The following GTPBP8 variants were observed in gnomAD, a reference collection of about 807,000 sequenced individuals.
GTPBP8 encodes the protein GTP-binding protein 8.
A neutral mutation model predicts 27.3 loss-of-function variants in GTPBP8; 21 were observed. That is an observed-to-expected ratio of 0.77 (90% CI 0.55 to 1.11). GTPBP8 has a LOEUF of 1.11. Ranked by LOEUF, GTPBP8 falls within the 50% of genes least tolerant of loss-of-function variation. The probability of loss-of-function intolerance (pLI) is 0.00; values close to 1 mark genes in which losing one functional copy is unlikely to be tolerated. For synonymous variants in GTPBP8, 147 were observed against 135.3 expected (o/e 1.09, Z -0.60); for missense variants, 380 against 350.8 (o/e 1.08, Z -0.67).
intron 4 of GTPBP8, among the ~76,000 whole-genome samples, chr3:112,998,085 A>C (rs1400351779): frequency 6.6e-6 from 1 of 152,132 alleles, no homozygotes; most frequent in Non-Finnish European, 1.5e-5. Context: ...TCTGCTTCTC[A>C]CTGTGGGAAA....
In GTPBP8 at chr3:112,996,363, G is replaced by A. The variant is rs1472508007; in HGVS notation, c.567-529G>A. 2.6e-5 allele frequency among the ~76,000 whole-genome samples: 4 copies of A among 151,808 alleles called. No homozygotes were observed. The East Asian group carries it at 5.8e-4, about 22-fold the overall frequency. On this transcript the variant is annotated intron_variant, in intron 3 of 5. Transcript: ENST00000383678. ...TGCCTGTAATCCCAACTCCTCAGGA[G>A]ACTGAGGCAGGACAATCACTCAAAC...
At chr3:112,996,436 C>G (rs1417096690) in intron 3 of GTPBP8, among the ~76,000 whole-genome samples, 2 of 151,938 alleles carry the variant, frequency 1.3e-5, no homozygotes, top group Non-Finnish European at 2.9e-5. Flanking sequence ...TGCATTCTAC[C>G]CTGGGCAACA....
At chr3:112,992,154 T>G (rs576973047) in intron 1 of GTPBP8, 104 of 152,430 alleles carry the variant, frequency 6.8e-4, no homozygotes, top group African/African-American at 2.2e-3. Flanking sequence ...ACTGGACTTT[T>G]TTGTAATTCG....
rs375098068 is a variant in GTPBP8 at position 112,991,231 on chromosome 3, A to C, written c.232A>C (p.Ile78Leu). 1 of 1,614,018 alleles carries C rather than the reference A, an allele frequency of 6.2e-7. No homozygotes were observed. Among genetic ancestry groups the C allele is most frequent in the Non-Finnish European group, 8.5e-7 (1 of 1,180,028 alleles). The change falls in exon 1 of 6, where the codon ATA becomes CTA. Residue 78 changes from isoleucine (I) to leucine (L), a missense_variant. Coordinates refer to ENST00000383678, the MANE Select transcript of GTPBP8 (RefSeq NM_014170.4). ...LRIFDPSPEDIARADNIFTAT... is the reference protein window; with the variant it reads ...LRIFDPSPEDLARADNIFTAT... The stretch of plus-strand genomic sequence containing the variant: ...TATCTTTGACCCAAGCCCGGAGGAC[A>C]TAGCCAGGGCGGACAACATCTTCAC...
Position 112,995,190 on chromosome 3 carries a change from A to G in GTPBP8, c.491A>G (p.Asp164Gly), listed in dbSNP as rs1327542770. ...GTTGGAAAACATTTTACAGTGGTGG[A>G]CATGCCAGGTTATGGCTTTAGAGCA... ...FKVGKHFTVV[D>G]MPGYGFRAPE... The change falls in exon 3 of 6, where the codon GAC becomes GGC. Residue 164 changes from aspartate to glycine, a missense_variant. Asp to Gly is a moderately conservative substitution (Grantham distance 94, BLOSUM62 -1). Transcript: ENST00000383678. 1.1e-5 allele frequency: 18 copies of G among 1,608,242 alleles called. No individual in the cohort carries two copies. Among genetic ancestry groups the G allele is most frequent in the South Asian group, 3.3e-5 (3 of 90,800 alleles).
chr3:112,991,176 C>A lies in GTPBP8; in HGVS notation c.177C>A (p.Ala59=). The change falls in exon 1 of 6, where the codon GCC becomes GCA. Residue 59 remains alanine, a synonymous_variant. Coordinates refer to ENST00000383678, the MANE Select transcript of GTPBP8 (RefSeq NM_014170.4). The part of the protein sequence containing the change: ...YPLQEVERFL[A]PYGRQDLHLR... The stretch of plus-strand genomic sequence containing the variant: ...TGCAGGAAGTAGAGCGGTTCCTCGC[C>A]CCCTACGGGAGGCAAGACCTTCACC... The A allele has an allele frequency of 6.2e-7, 1 of 1,614,144 alleles. No homozygotes were observed.
intron 2 of GTPBP8, among the ~76,000 whole-genome samples, chr3:112,993,626 C>T (rs972037397): frequency 2.6e-5 from 4 of 152,200 alleles, no homozygotes; most frequent in African/African-American, 9.7e-5. Context: ...TTCTCAACGA[C>T]GCAGTCTCTG....
intron 2 of GTPBP8, among the ~76,000 whole-genome samples, chr3:112,994,363 C>T (rs1237689011): frequency 1.3e-5 from 2 of 149,158 alleles, no homozygotes; most frequent in East Asian, 2.0e-4. Flanking sequence ...GTGGAGGTTG[C>T]GGTGAGCTGA....
Position 112,996,964 on chromosome 3 carries a change from G to T in GTPBP8, c.639G>T (p.Met213Ile). The change falls in exon 4 of 6, where the codon ATG becomes ATT. Residue 213 changes from methionine (M) to isoleucine (I), a missense_variant. Physicochemically the swap from Met to Ile is conservative, Grantham distance 10. Transcript: ENST00000383678. ...AAACAGACAATATTGCCATAGAAAT[G>T]TGTGAAGAATTTGCATTACCTTATG... Reference protein sequence around the residue: ...IQKTDNIAIEMCEEFALPYVI... With the variant: ...IQKTDNIAIEICEEFALPYVI... 5 of 1,558,658 alleles carry T rather than the reference G, an allele frequency of 3.2e-6. No individual in the cohort carries two copies. Among genetic ancestry groups the T allele is most frequent in the Non-Finnish European group, 4.4e-6 (5 of 1,131,416 alleles).
intron 2 of GTPBP8, among the ~76,000 whole-genome samples, chr3:112,994,636 T>C (rs1179374139): frequency 6.6e-6 from 1 of 152,188 alleles, no homozygotes; most frequent in Non-Finnish European, 1.5e-5. Flanking sequence ...AACATCTTGA[T>C]TTTAGGGAAG....
In GTPBP8 at chr3:113,000,762, A is replaced by G. The variant is rs1437606329; in HGVS notation, c.786-88A>G. ...ATGTTCTGCTTTCATATATGAAATC[A>G]TAAGAATTTGTAAATTTTTTTAAGT... On this transcript the variant is annotated intron_variant, in intron 5 of 5. Transcript: ENST00000383678. The G allele has an allele frequency of 2.5e-5, 19 of 773,838 alleles. No individual in the cohort carries two copies. The South Asian group carries it at 2.8e-4, about 12-fold the overall frequency. The allele number at this position is 773,838 out of a possible 1,614,324, so 47.9% of individuals were successfully genotyped here. A position where few individuals can be genotyped will look rare whatever the true frequency, so the allele number is the denominator to read the frequency against.
At chr3:112,995,975 C>T (rs963712502) in intron 3 of GTPBP8, among the ~76,000 whole-genome samples, 4 of 151,914 alleles carry the variant, frequency 2.6e-5, no homozygotes, top group Admixed American at 2.0e-4. Flanking sequence ...TTTTTGTCTC[C>T]TTATGTAATC....
In GTPBP8 at chr3:112,993,777, GAGTTGGAA is replaced by G. The variant is rs1270730178; in HGVS notation, c.435+654_435+661del. On this transcript the variant is annotated intron_variant, in intron 2 of 5. Transcript: ENST00000383678. ...CGAACGCACACACACCCCTTTCATT[GAGTTGGAA>G]CCCTTCCATGAGACTTCACTAGGTC... is the stretch of plus-strand genomic sequence containing the variant. Among the ~76,000 whole-genome samples the G allele has an allele frequency of 2.6e-5, 4 of 151,972 alleles. No homozygotes were observed. In the East Asian group the frequency reaches 7.7e-4, roughly 29 times the overall value.
In GTPBP8 at chr3:112,991,029, G is replaced by A. The variant is rs761475352; in HGVS notation, c.30G>A (p.Ala10=). The change falls in exon 1 of 6, where the codon GCG becomes GCA. Residue 10 remains alanine (A), a synonymous_variant. Transcript: ENST00000383678. ...CGGCGCCCGGGCTGCGGCTGGGAGC[G>A]GGAAGACTCTTTGAAATGCCTGCGG... The part of the protein sequence containing the change: MAAPGLRLG[A]GRLFEMPAVL... The A allele has an allele frequency of 4.4e-6, 7 of 1,601,220 alleles. No individual in the cohort carries two copies. The Admixed American group carries it at 8.4e-5, about 19-fold the overall frequency.
At chr3:113,000,710 G>A in intron 5 of GTPBP8, 140 bp from the exon 6 acceptor site, 1 of 514,958 alleles carries the variant, frequency 1.9e-6, no homozygotes, top group Non-Finnish European at 3.4e-6. Context: ...GCTGGGGGAA[G>A]AGAAGAAAGC....
At chr3:112,994,257 C>T (rs923477102) in intron 2 of GTPBP8, among the ~76,000 whole-genome samples, 1 of 151,978 alleles carries the variant, frequency 6.6e-6, no homozygotes, top group Non-Finnish European at 1.5e-5. Context: ...AACCCCATTT[C>T]CACTAAAAAT....
rs569952287 is a variant in GTPBP8 at position 112,997,072 on chromosome 3, A to G, written c.666+81A>G. On this transcript the variant is annotated intron_variant, in intron 4 of 5. Coordinates refer to ENST00000383678, the MANE Select transcript of GTPBP8 (RefSeq NM_014170.4). ...CTGTGTGAACATGCACCTTTTAACA[A>G]TTGAGCTTGTGTTGCCTCAAAAGAT... The G allele has an allele frequency of 3.2e-4, 222 of 694,072 alleles. 3 individuals carry two copies. The South Asian group carries it at 3.3e-3, about 10-fold the overall frequency. The allele number at this position is 694,072 out of a possible 1,614,324, so 43.0% of individuals were successfully genotyped here.
chr3:112,995,055 A>T, intron 2 of GTPBP8, 80 bp from the exon 3 acceptor site: 2 of 1,075,712 alleles, frequency 1.9e-6, no homozygotes, highest in East Asian at 2.4e-5. Flanking sequence ...TTTGTTGATT[A>T]ACTGGAAAAC....
chr3:112,997,005 T>G lies in GTPBP8; in HGVS notation c.666+14T>G. 8.7e-7 allele frequency: 1 copy of G among 1,147,364 alleles called. No individual in the cohort carries two copies. The highest frequency in any genetic ancestry group is 1.3e-6 in the Non-Finnish European group (1 of 757,432). The allele number at this position is 1,147,364 out of a possible 1,614,324, so 71.1% of individuals were successfully genotyped here. A position where few individuals can be genotyped will look rare whatever the true frequency, so the allele number is the denominator to read the frequency against. The stretch of plus-strand genomic sequence containing the variant: ...TTACCTTATGTGGTAAGTACTTCCT[T>G]TGAATCATGGTTGCAATTAGAAATA... On this transcript the variant is annotated intron_variant, in intron 4 of 5. Transcript: ENST00000383678.
Sources: allele counts gnomAD v4.1 joint callset (sites outside exome capture counted in the v4.1 genomes callset), GRCh38; gene constraint gnomAD v4.1.1; transcripts MANE v1.5; gene names NCBI Gene and HGNC (gene_info 2026-07-23, HGNC 2026-07-21).